SLC23A2: variants seen among roughly 807,000 people sequenced by gnomAD.
SLC23A2 encodes the protein solute carrier family 23 member 2, also known as Na(+)/L-ascorbic acid transporter 2.
A neutral mutation model predicts 73.3 loss-of-function variants in SLC23A2; 36 were observed. The observed-to-expected ratio is 0.49, with a 90% CI of 0.38 to 0.65. The LOEUF is 0.65. SLC23A2 is among the 30% of genes least tolerant of loss of function. The pLI is 0.00. For missense variants in SLC23A2, 507 were observed against 841.6 expected (o/e 0.60, Z 4.92); for synonymous variants, 343 against 327.3 (o/e 1.05, Z -0.52).
At chr20:4,878,018 C>T (rs1216533340) in intron 9 of SLC23A2, among the ~76,000 whole-genome samples, 1 of 152,206 alleles carries the variant, frequency 6.6e-6, no homozygotes, top group Non-Finnish European at 1.5e-5. Context: ...GGAGGATAAA[C>T]CTTTTTCACA....
intron 1 of SLC23A2, chr20:5,010,057 T>C (rs1182242868): frequency 7.0e-6 from 1 of 142,192 alleles, no homozygotes. Context: ...ATCACGCCAC[T>C]GCACTCCAGC....
intron 6 of SLC23A2, among the ~76,000 whole-genome samples, chr20:4,890,267 A>G (rs1931279990): frequency 6.6e-6 from 1 of 152,196 alleles, no homozygotes; most frequent in South Asian, 2.1e-4. Flanking sequence ...TTTTTGAAAA[A>G]TAATCCTTAA....
rs13037457 is a variant in SLC23A2, at chr20:4,863,357, G to C, written c.1357-450C>G. ...CACGCTTCCCGTGAGAGGTGGAAAA[G>C]AGAAGGGGCTACGGATGAGGACATC... On this transcript the variant is annotated intron_variant, in intron 13 of 16. Coordinates refer to ENST00000338244, the MANE Select transcript of SLC23A2 (RefSeq NM_005116.6). This position sits in a 1 kb window ranked among gnomAD's most constrained non-coding sequence, Gnocchi z 4.8. 6.6e-6 allele frequency among the ~76,000 whole-genome samples: 1 copy of C among 152,252 alleles called. No homozygotes were observed. Among genetic ancestry groups the C allele is most frequent in the Non-Finnish European group, 1.5e-5 (1 of 68,044 alleles).
At chr20:4,934,635 G>A (rs2086932299) in intron 2 of SLC23A2, among the ~76,000 whole-genome samples, 1 of 152,144 alleles carries the variant, frequency 6.6e-6, no homozygotes, top group Admixed American at 6.5e-5. Flanking sequence ...GCTGAGGTGG[G>A]TGGATCACCT....
chr20:4,885,675 G>A (rs1458555050), intron 7 of SLC23A2, 146 bp downstream of exon 7: 3 of 655,318 alleles, frequency 4.6e-6, no homozygotes, highest in Non-Finnish European at 8.4e-6. Context: ...ATCCACAGAT[G>A]GAGCATTCTA....
chr20:4,980,761 C>T (rs12626153), intron 1 of SLC23A2, among the ~76,000 whole-genome samples: 1,747 of 152,212 alleles, frequency 0.011, 31 homozygotes, highest in East Asian at 0.049. Context: ...AACTCCCAAC[C>T]TCAGGTGATC....
chr20:4,884,124 C>T (rs867299307), intron 8 of SLC23A2, among the ~76,000 whole-genome samples: 1 of 152,154 alleles, frequency 6.6e-6, no homozygotes, highest in Non-Finnish European at 1.5e-5. Context: ...AGAAACACAA[C>T]ATTTAAAGAC....
intron 4 of SLC23A2, among the ~76,000 whole-genome samples, chr20:4,907,938 G>GA (rs201320859): frequency 4.0e-5 from 6 of 151,274 alleles, no homozygotes; most frequent in East Asian, 3.9e-4. Context: ...AGATGGAAAG[G>GA]AAAAAAAATA....
In SLC23A2 at chr20:4,883,662, C is replaced by T; in HGVS notation, c.804G>A (p.Lys268=). ...CTTACAGCATGGCAATGCCCCAGTG[C>T]TTCCCGGCTCTCTCCCCCGCTGCCT... ...GFQAAGERAG[K]HWGIAMLTIF... is the part of the protein sequence containing the mutation. Residue 268 remains lysine, a synonymous_variant, in exon 9 of 17, where the codon AAG becomes AAA. Transcript: ENST00000338244. This position sits in a 1 kb window ranked among gnomAD's most constrained non-coding sequence, Gnocchi z 4.5. 6.2e-7 allele frequency: 1 copy of T among 1,612,228 alleles called. No individual in the cohort carries two copies. The highest frequency in any genetic ancestry group is 8.5e-7 in the Non-Finnish European group (1 of 1,179,014).
At chr20:5,003,457 C>G (rs896230248), upstream of SLC23A2, among the ~76,000 whole-genome samples, 1 of 151,892 alleles carries the variant, frequency 6.6e-6, no homozygotes, top group African/African-American at 2.4e-5. Context: ...AAAACTCACG[C>G]ATTGCCCCGT....
intron 8 of SLC23A2, 67 bp downstream of exon 8, chr20:4,884,686 G>T: frequency 2.9e-6 from 3 of 1,048,892 alleles, no homozygotes; most frequent in South Asian, 1.3e-5. Context: ...CTATTTCTTG[G>T]GTCAACCAAC....
chr20:4,988,993 T>C (rs1216070188), intron 1 of SLC23A2, among the ~76,000 whole-genome samples: 14 of 151,884 alleles, frequency 9.2e-5, no homozygotes, highest in African/African-American at 1.9e-4. Flanking sequence ...TCCCAGCACT[T>C]TGGGAGGCCG....
intron 9 of SLC23A2, among the ~76,000 whole-genome samples, chr20:4,881,417 G>A (rs1335956846): frequency 6.6e-6 from 1 of 152,168 alleles, no homozygotes; most frequent in Admixed American, 6.5e-5. Flanking sequence ...ATAAGAGTGA[G>A]GAGGAGTCAA....
rs906802352 is a variant in SLC23A2, at chr20:4,947,115, C to G, written c.-154-14399G>C. ...AAGAGACCTCCTCCTCCAGGGAGCA[C>G]TCCTGGGTCAGCTGTCCGTCTTCTG... is the stretch of plus-strand genomic sequence containing the variant. On this transcript the variant is annotated intron_variant, in intron 2 of 16. Transcript: ENST00000338244. This position sits in a 1 kb window ranked among gnomAD's most constrained non-coding sequence, Gnocchi z 4.4. 2.6e-5 allele frequency among the ~76,000 whole-genome samples: 4 copies of G among 152,176 alleles called. No individual in the cohort carries two copies. Among genetic ancestry groups the G allele is most frequent in the Admixed American group, 6.5e-5 (1 of 15,278 alleles).
chr20:4,882,194 T>C (rs553830709), intron 9 of SLC23A2, among the ~76,000 whole-genome samples: 6 of 152,120 alleles, frequency 3.9e-5, no homozygotes, highest in Admixed American at 3.3e-4. Flanking sequence ...CTGGCCAACA[T>C]GGTGAAACCG....
rs185175919 is a variant in SLC23A2 at position 4,993,033 on chromosome 20, C to T, written c.-282+8373G>A. Among the ~76,000 whole-genome samples, 1,117 of 151,650 alleles carry T rather than the reference C, an allele frequency of 7.4e-3. 54 individuals are homozygous for T. The South Asian group carries it at 0.15, about 20-fold the overall frequency. Reference sequence around the variant, plus strand: ...GTGGCTCATGCCTGTAATCCCAGCACTTTGGGAGGCCGAGGCAGGTGGATC... The same window carrying T: ...GTGGCTCATGCCTGTAATCCCAGCATTTTGGGAGGCCGAGGCAGGTGGATC... On this transcript the variant is annotated intron_variant, in intron 1 of 16. Transcript: ENST00000338244.
chr20:4,885,781 A>G (rs776339317), intron 7 of SLC23A2, 40 bp downstream of exon 7: 16 of 1,415,268 alleles, frequency 1.1e-5, no homozygotes, highest in Non-Finnish European at 1.6e-5. Context: ...CACCTGCATT[A>G]AAGGACCCCA....
intron 3 of SLC23A2, among the ~76,000 whole-genome samples, chr20:4,920,163 A>C (rs575908666): frequency 3.3e-5 from 5 of 152,310 alleles, no homozygotes; most frequent in Middle Eastern, 3.4e-3. Flanking sequence ...TGGGAGACTG[A>C]GGCAGGAGAA....
At chr20:4,961,530 T>C (rs1475919016) in intron 2 of SLC23A2, among the ~76,000 whole-genome samples, 2 of 152,160 alleles carry the variant, frequency 1.3e-5, no homozygotes, top group Admixed American at 6.6e-5. Context: ...TCTTAAAACA[T>C]TTGAGATTTT....
Sources: gnomAD v4.1 joint callset for allele counts (sites outside exome capture counted in the v4.1 genomes callset) on GRCh38, gnomAD v4.1.1 for gene constraint, Gnocchi (gnomAD v3.1) non-coding constraint, MANE v1.5 for transcripts, NCBI Gene and HGNC (gene_info 2026-07-23, HGNC 2026-07-21) for gene names.